Variants in ZNF438 observed in about 807,000 individuals in gnomAD.
ZNF438 encodes the protein zinc finger protein 438.
A neutral mutation model predicts 38.0 loss-of-function variants in ZNF438; 25 were observed. The ratio of observed to expected loss-of-function variants is 0.66; its 90% CI spans 0.48 to 0.92. The LOEUF (loss-of-function observed/expected upper bound fraction) is 0.92, where lower values mean the gene tolerates loss of function less well. Ranked by LOEUF, ZNF438 falls within the 40% of genes least tolerant of loss-of-function variation. The pLI is 0.00. For synonymous variants in ZNF438, 372 were observed against 364.1 expected, an observed-to-expected ratio of 1.02 and a Z score of -0.25; for missense variants, 1,007 against 999.6, an observed-to-expected ratio of 1.01 and a Z score of -0.10.
intron 2 of ZNF438, among the ~76,000 whole-genome samples, chr10:30,938,729 A>G (rs1037707892): frequency 6.6e-6 from 1 of 152,198 alleles, no homozygotes; most frequent in Non-Finnish European, 1.5e-5. Context: ...TTCAATGTGA[A>G]TGTTTAATAT....
intron 2 of ZNF438, among the ~76,000 whole-genome samples, chr10:30,918,759 A>G (rs1046796281): frequency 6.6e-6 from 1 of 152,232 alleles, no homozygotes; most frequent in Non-Finnish European, 1.5e-5. Flanking sequence ...CATGCTGGAA[A>G]TCAGGCTGGG....
intron 3 of ZNF438, among the ~76,000 whole-genome samples, chr10:30,883,361 G>T (rs1255218002): frequency 6.6e-6 from 1 of 151,812 alleles, no homozygotes. Flanking sequence ...CCACATGCAG[G>T]AATTTTGCTC....
At chr10:30,869,502 T>C (rs958847994) in intron 4 of ZNF438, among the ~76,000 whole-genome samples, 5 of 151,364 alleles carry the variant, frequency 3.3e-5, no homozygotes, top group African/African-American at 1.2e-4. Flanking sequence ...TCAACTTCCA[T>C]ATATGGCTGG....
chr10:30,946,826 A>G (rs1383640872), intron 1 of ZNF438, among the ~76,000 whole-genome samples: 1 of 152,004 alleles, frequency 6.6e-6, no homozygotes, highest in Non-Finnish European at 1.5e-5. Context: ...TTGAAATTGA[A>G]TACTTTTTAG....
chr10:30,983,214 G>A (rs949051994), intron 1 of ZNF438, among the ~76,000 whole-genome samples: 3 of 152,230 alleles, frequency 2.0e-5, no homozygotes, highest in Non-Finnish European at 4.4e-5. Flanking sequence ...ACGAGGAGAT[G>A]TCCGCAAACA....
chr10:31,030,613 G>C (rs2057226068), intron 1 of ZNF438, among the ~76,000 whole-genome samples: 1 of 152,150 alleles, frequency 6.6e-6, no homozygotes, highest in South Asian at 2.1e-4. Context: ...TTAACGAATA[G>C]AACAAAAATT....
chr10:30,880,511 T>C (rs953872554), intron 3 of ZNF438, among the ~76,000 whole-genome samples: 2 of 151,400 alleles, frequency 1.3e-5, no homozygotes, highest in Non-Finnish European at 2.9e-5. Context: ...TAATAACAAC[T>C]GTAATCTAGA....
chr10:30,931,723 G>A (rs1024312453), intron 2 of ZNF438, among the ~76,000 whole-genome samples: 1 of 152,126 alleles, frequency 6.6e-6, no homozygotes, highest in African/African-American at 2.4e-5. Context: ...TTCCAGGTAC[G>A]TCAAACATTC....
intron 4 of ZNF438, among the ~76,000 whole-genome samples, chr10:30,866,841 A>G (rs1389763295): frequency 6.6e-6 from 1 of 152,128 alleles, no homozygotes; most frequent in Non-Finnish European, 1.5e-5. Flanking sequence ...CTCAAAAAAA[A>G]AAAACCAAAA....
chr10:30,950,229 T>A (rs2048000582), intron 1 of ZNF438, among the ~76,000 whole-genome samples: 6 of 151,732 alleles, frequency 4.0e-5, no homozygotes, highest in African/African-American at 9.7e-5. Context: ...TACCAGAATC[T>A]CTGGGACGCA....
At chr10:30,910,101 C>T (rs1033518805) in intron 2 of ZNF438, among the ~76,000 whole-genome samples, 24 of 152,258 alleles carry the variant, frequency 1.6e-4, no homozygotes, top group Admixed American at 9.2e-4. Flanking sequence ...CTGCCCTTGT[C>T]CAGGACAGGC....
chr10:30,852,459 C>T (rs1283664627), intron 4 of ZNF438, among the ~76,000 whole-genome samples: 2 of 152,084 alleles, frequency 1.3e-5, no homozygotes, highest in Non-Finnish European at 2.9e-5. Flanking sequence ...CTGCCCGCCT[C>T]GGCCTCCCAA....
intron 3 of ZNF438, among the ~76,000 whole-genome samples, chr10:30,883,949 C>G (rs2039611817): frequency 6.6e-6 from 1 of 151,986 alleles, no homozygotes; most frequent in African/African-American, 2.4e-5. Flanking sequence ...TTTCATAACT[C>G]ATGAGAAAAA....
intron 2 of ZNF438, chr10:30,920,887 G>A (rs1038126546): frequency 6.6e-6 from 1 of 152,176 alleles, no homozygotes; most frequent in African/African-American, 2.4e-5. Flanking sequence ...AGGATTATAT[G>A]ACATATTTTA....
chr10:30,845,864 C>G (rs2031919099), intron 5 of ZNF438, among the ~76,000 whole-genome samples: 1 of 152,204 alleles, frequency 6.6e-6, no homozygotes, highest in South Asian at 2.1e-4. Flanking sequence ...ACCACAGGGA[C>G]AGGAGCAATC....
intron 1 of ZNF438, among the ~76,000 whole-genome samples, chr10:30,995,898 A>T (rs933580087): frequency 1.3e-5 from 2 of 152,204 alleles, no homozygotes; most frequent in Admixed American, 6.5e-5. Flanking sequence ...TCTTCAAAAG[A>T]CATAAAGTAA....
At chr10:30,888,628 T>C (rs2040270883) in intron 3 of ZNF438, among the ~76,000 whole-genome samples, 1 of 152,202 alleles carries the variant, frequency 6.6e-6, no homozygotes. Flanking sequence ...ATGCAGTATT[T>C]GGTTTGCTGT....
At chr10:30,990,859 TATC>T (rs1342806405) in intron 1 of ZNF438, among the ~76,000 whole-genome samples, 1 of 149,270 alleles carries the variant, frequency 6.7e-6, no homozygotes, top group Non-Finnish European at 1.5e-5. Context: ...ATTGAAGATA[TATC>T]TTTTTTTTTT....
intron 1 of ZNF438, among the ~76,000 whole-genome samples, chr10:30,991,474 A>G (rs1044284576): frequency 2.0e-5 from 3 of 152,186 alleles, no homozygotes; most frequent in African/African-American, 7.2e-5. Flanking sequence ...AGCCAAGAAG[A>G]CAAGTGGCTA....
Sources: gnomAD v4.1 joint callset for allele counts (sites outside exome capture counted in the v4.1 genomes callset) on GRCh38, gnomAD v4.1.1 for gene constraint, MANE v1.5 for transcripts, NCBI Gene and HGNC (gene_info 2026-07-23, HGNC 2026-07-21) for gene names.